The following JAK2 variants were observed in gnomAD, a reference collection of about 807,000 sequenced individuals.
The protein encoded by JAK2 is tyrosine-protein kinase JAK2.
JAK2 carries 86 observed loss-of-function variants against 139.3 expected under a neutral mutation model. That is an observed-to-expected ratio of 0.62 (90% CI 0.52 to 0.74). JAK2 has a LOEUF of 0.74. Among genes scored for constraint, JAK2 ranks in the 30% least tolerant of loss-of-function variants. The probability of loss-of-function intolerance (pLI) is 0.00; values close to 1 mark genes in which losing one functional copy is unlikely to be tolerated. For missense variants in JAK2, 1,421 were observed against 1,360.3 expected (o/e 1.04, Z -0.70); for synonymous variants, 490 against 437.7 (o/e 1.12, Z -1.49).
At chr9:5,023,377 G>A (rs531849315) in intron 3 of JAK2, among the ~76,000 whole-genome samples, 1 of 152,052 alleles carries the variant, frequency 6.6e-6, no homozygotes, top group Non-Finnish European at 1.5e-5. Context: ...AGGGGAGTAC[G>A]CATTCTGTTG....
chr9:5,121,524 T>C (rs1169161627), intron 22 of JAK2, among the ~76,000 whole-genome samples: 1 of 152,146 alleles, frequency 6.6e-6, no homozygotes, highest in African/African-American at 2.4e-5. Flanking sequence ...AAGTTAGGCT[T>C]CTACTCCCAC....
intron 22 of JAK2, among the ~76,000 whole-genome samples, chr9:5,119,204 G>A (rs904518640): frequency 3.9e-5 from 6 of 151,998 alleles, no homozygotes; most frequent in Admixed American, 3.3e-4. Flanking sequence ...TTAATTTCTG[G>A]CAGAAAAACT....
At chr9:4,989,290 C>T (rs949067288) in intron 2 of JAK2, among the ~76,000 whole-genome samples, 16 of 152,214 alleles carry the variant, frequency 1.1e-4, no homozygotes, top group African/African-American at 3.4e-4. Context: ...GTTCTCCATC[C>T]CTCTTTTTTT....
rs375678155 is a variant in JAK2 at position 5,064,922 on chromosome 9, G to C, written c.1096G>C (p.Val366Leu). ...CTCATTAAGGGAAGCTTTGTCTTTC[G>C]TGTCATTAATTGATGGATATTATAG... ...LSSLREALSFVSLIDGYYRLT... is the reference protein window; with the variant it reads ...LSSLREALSFLSLIDGYYRLT... The change falls in exon 9 of 25, where the codon GTG becomes CTG. Residue 366 changes from valine (V) to leucine (L), a missense_variant. Val to Leu is a conservative substitution (Grantham distance 32). Coordinates refer to ENST00000381652, the MANE Select transcript of JAK2 (RefSeq NM_004972.4). The C allele has an allele frequency of 7.5e-6, 12 of 1,594,430 alleles. No homozygotes were observed. The South Asian group carries it at 1.0e-4, about 14-fold the overall frequency.
chr9:5,062,340 T>C (rs1056950598), intron 8 of JAK2, among the ~76,000 whole-genome samples: 2 of 151,920 alleles, frequency 1.3e-5, no homozygotes, highest in East Asian at 1.9e-4. Context: ...TCAAAGGTCA[T>C]TGATCACAAA....
chr9:5,081,175 T>G (rs375020104), intron 18 of JAK2, among the ~76,000 whole-genome samples: 1 of 151,956 alleles, frequency 6.6e-6, no homozygotes, highest in African/African-American at 2.4e-5. Context: ...GATTACAGGC[T>G]TGAGCCACCG....
rs1822501350 is a variant in JAK2 at position 5,022,597 on chromosome 9, G to A, written c.226+384G>A. Among the ~76,000 whole-genome samples, 10 of 152,270 alleles carry A rather than the reference G, an allele frequency of 6.6e-5. No individual in the cohort carries two copies. In the South Asian group the frequency reaches 1.9e-3, roughly 28 times the overall value. On this transcript the variant is annotated intron_variant, in intron 3 of 24. Transcript: ENST00000381652. ...TTTGATTTAAAATCTTGATTAAATG[G>A]CTGACAAACCATCATTTTCTTCTAG...
intron 22 of JAK2, chr9:5,094,325 T>TC (rs1324496392): frequency 7.9e-5 from 12 of 152,252 alleles, no homozygotes; most frequent in Non-Finnish European, 1.5e-5. Context: ...ATCACCCTCC[T>TC]CTTCTGGACT....
chr9:5,127,948 C>T lies in JAK2; in HGVS notation c.*1157C>T, dbSNP rs550100499. The T allele has an allele frequency of 9.0e-5, 21 of 232,132 alleles. No homozygotes were observed. Among genetic ancestry groups the T allele is most frequent in the African/African-American group, 3.5e-4 (16 of 45,338 alleles). The allele number at this position is 232,132 out of a possible 1,614,324, so 14.4% of individuals were successfully genotyped here. A position where few individuals can be genotyped will look rare whatever the true frequency, so the allele number is the denominator to read the frequency against. Reference sequence around the variant, plus strand: ...AAGAATGCCAGTAGAAAATTCATAACGTGTATCTTTAAGAAAAATGAGCAT... The same window carrying T: ...AAGAATGCCAGTAGAAAATTCATAATGTGTATCTTTAAGAAAAATGAGCAT... On this transcript the variant is annotated 3_prime_UTR_variant, in exon 25 of 25. Coordinates refer to ENST00000381652, the MANE Select transcript of JAK2 (RefSeq NM_004972.4).
chr9:5,073,897 C>T, intron 14 of JAK2, 112 bp downstream of exon 14: 1 of 683,886 alleles, frequency 1.5e-6, no homozygotes, highest in East Asian at 2.6e-5. Context: ...TATAATTTAA[C>T]AGGAGTTAAG....
At position 5,126,469 on chromosome 9, in the gene JAK2, G is replaced by A. The variant is rs374940212; in HGVS notation, c.3291+23G>A. 3.1e-5 allele frequency: 45 copies of A among 1,460,756 alleles called. No homozygotes were observed. In the African/African-American group the frequency reaches 5.1e-4, roughly 16 times the overall value. 90.5% of individuals were successfully genotyped at this position (1,460,756 alleles called of 1,614,324 possible). ...GAGGTAACAATTTTTTTTTAATCCA[G>A]GGTAGTCATGCATTTTCTTTTACTT... On this transcript the variant is annotated intron_variant, in intron 24 of 24. Coordinates refer to ENST00000381652, the MANE Select transcript of JAK2 (RefSeq NM_004972.4).
chr9:5,121,016 G>T lies in JAK2; in HGVS notation c.3060-1988G>T, dbSNP rs540010799. Among the ~76,000 whole-genome samples, 9 of 152,066 alleles carry T rather than the reference G, an allele frequency of 5.9e-5. 1 individual carries two copies. The highest frequency in any genetic ancestry group is 2.2e-4 in the African/African-American group (9 of 41,390). On this transcript the variant is annotated intron_variant, in intron 22 of 24. Coordinates refer to ENST00000381652, the MANE Select transcript of JAK2 (RefSeq NM_004972.4). ...ATTTGGGAGACTTTAGTATATAGGT[G>T]GATGATACTATCTAAGGGAAAGTTT...
In JAK2 at chr9:5,090,872, A is replaced by T; in HGVS notation, c.3020A>T (p.Tyr1007Phe). The T allele has an allele frequency of 6.2e-7, 1 of 1,609,694 alleles. No homozygotes were observed. Among genetic ancestry groups the T allele is most frequent in the Non-Finnish European group, 8.5e-7 (1 of 1,178,598 alleles). Reference protein sequence around the residue: ...LTKVLPQDKEYYKVKEPGESP... With the variant: ...LTKVLPQDKEFYKVKEPGESP... ...AAAGTCTTGCCACAAGACAAAGAATACTATAAAGTAAAAGAACCTGGTGAA... is the reference window on the plus strand; with the variant it reads ...AAAGTCTTGCCACAAGACAAAGAATTCTATAAAGTAAAAGAACCTGGTGAA... The change falls in exon 22 of 25, where the codon TAC becomes TTC. Residue 1007 changes from tyrosine (Y) to phenylalanine (F), a missense_variant. Physicochemically the swap from Tyr to Phe is conservative, Grantham distance 22. Coordinates refer to ENST00000381652, the MANE Select transcript of JAK2 (RefSeq NM_004972.4).
chr9:4,998,488 C>G (rs1343649659), intron 2 of JAK2, among the ~76,000 whole-genome samples: 1 of 152,132 alleles, frequency 6.6e-6, no homozygotes, highest in African/African-American at 2.4e-5. Context: ...AACTCCTGAC[C>G]TCGTGATCCG....
At chr9:5,107,498 T>G (rs1822060495) in intron 22 of JAK2, among the ~76,000 whole-genome samples, 1 of 152,080 alleles carries the variant, frequency 6.6e-6, no homozygotes, top group Non-Finnish European at 1.5e-5. Flanking sequence ...ACCACAGCCC[T>G]TATACTAGTT....
At chr9:5,101,930 C>T (rs1352220244) in intron 22 of JAK2, among the ~76,000 whole-genome samples, 1 of 152,188 alleles carries the variant, frequency 6.6e-6, no homozygotes, top group Non-Finnish European at 1.5e-5. Flanking sequence ...GTAGATAAAA[C>T]CACAAAGATG....
chr9:5,085,097 G>A, intron 19 of JAK2: 1 of 657,910 alleles, frequency 1.5e-6, no homozygotes, highest in Non-Finnish European at 2.9e-6. Context: ...TGGCAGTACT[G>A]CTGGGCAAGG....
At chr9:5,102,669 AG>A (rs1821602639) in intron 22 of JAK2, among the ~76,000 whole-genome samples, 1 of 152,228 alleles carries the variant, frequency 6.6e-6, no homozygotes, top group East Asian at 1.9e-4. Context: ...CACAAAGGGA[AG>A]CCCATCAGAC....
At chr9:5,041,204 G>T in intron 4 of JAK2, 1 of 1,457,524 alleles carries the variant, frequency 6.9e-7, no homozygotes, top group Non-Finnish European at 9.5e-7. Context: ...CGTGAAGCCC[G>T]AGAACTTCCT....
Sources: allele counts gnomAD v4.1 joint callset (sites outside exome capture counted in the v4.1 genomes callset), GRCh38; gene constraint gnomAD v4.1.1; transcripts MANE v1.5; gene names NCBI Gene and HGNC (gene_info 2026-07-23, HGNC 2026-07-21).